Variants in SH2D4A observed in about 807,000 individuals in gnomAD.
SH2D4A encodes SH2 domain containing 4A.
SH2D4A carries 70 observed loss-of-function variants against 64.7 expected under a neutral mutation model. That is an observed-to-expected ratio of 1.08 (90% CI 0.89 to 1.32). The LOEUF (loss-of-function observed/expected upper bound fraction) is 1.32. SH2D4A is among the 40% of genes most tolerant of loss of function. The pLI is 0.00. For missense variants in SH2D4A, 706 were observed against 540.1 expected (o/e 1.31, Z -3.04); for synonymous variants, 268 against 200.7 (o/e 1.34, Z -2.83).
At chr8:19,367,111 A>G (rs2053010533) in intron 7 of SH2D4A, among the ~76,000 whole-genome samples, 2 of 151,688 alleles carry the variant, frequency 1.3e-5, no homozygotes, top group African/African-American at 4.8e-5. Context: ...TCTGAATAAT[A>G]TTCTATTGTG....
At chr8:19,394,524 C>G (rs201058880) in intron 9 of SH2D4A, 26 bp from the exon 10 acceptor site, 3 of 1,543,354 alleles carry the variant, frequency 1.9e-6, no homozygotes, top group Non-Finnish European at 2.7e-6. Context: ...CTTACACTAT[C>G]TGACCCCGTG....
rs1487099275 is a variant in SH2D4A, at chr8:19,395,349, T to A, written c.*707T>A. ...CAAAAGGATAAAGCATCTGTACATG[T>A]ATTTTTTTATTTTTTATCAGAAGTG... is the stretch of plus-strand genomic sequence containing the variant. On this transcript the variant is annotated 3_prime_UTR_variant, in exon 10 of 10. Transcript: ENST00000265807. 1.3e-5 allele frequency: 2 copies of A among 152,136 alleles called. No individual in the cohort carries two copies. Among genetic ancestry groups the A allele is most frequent in the South Asian group, 4.1e-4 (2 of 4,830 alleles). The allele number at this position is 152,136 out of a possible 1,614,324, so 9.4% of individuals were successfully genotyped here.
At chr8:19,322,612 C>CTTTTT (rs33946166) in intron 2 of SH2D4A, among the ~76,000 whole-genome samples, 1 of 126,796 alleles carries the variant, frequency 7.9e-6, no homozygotes, top group African/African-American at 3.0e-5. Flanking sequence ...GTCTATTATT[C>CTTTTT]TTTTTTTTTT....
At chr8:19,388,069 C>G (rs908285458) in intron 8 of SH2D4A, among the ~76,000 whole-genome samples, 2 of 152,190 alleles carry the variant, frequency 1.3e-5, no homozygotes, top group African/African-American at 4.8e-5. Context: ...AAAAATGCAT[C>G]TTCTTTAAGT....
intron 4 of SH2D4A, among the ~76,000 whole-genome samples, chr8:19,346,365 C>T (rs2052613119): frequency 2.0e-5 from 3 of 152,212 alleles, no homozygotes; most frequent in South Asian, 2.1e-4. Flanking sequence ...CTCATAGGAG[C>T]ATGAATCCTC....
chr8:19,336,857 AC>A (rs568879503), intron 4 of SH2D4A, among the ~76,000 whole-genome samples: 115 of 152,146 alleles, frequency 7.6e-4, no homozygotes, highest in Non-Finnish European at 1.3e-3. Context: ...ACCAAGTGAG[AC>A]CCTAAGTCTT....
intron 4 of SH2D4A, among the ~76,000 whole-genome samples, chr8:19,347,606 A>G (rs1455717978): frequency 6.6e-6 from 1 of 152,190 alleles, no homozygotes; most frequent in Admixed American, 6.5e-5. Flanking sequence ...TTGCCCCTGA[A>G]AGGGACCTTG....
intron 4 of SH2D4A, among the ~76,000 whole-genome samples, chr8:19,349,064 C>A (rs36102640): frequency 0.072 from 10,988 of 152,176 alleles, 436 homozygotes; most frequent in Middle Eastern, 0.14. Context: ...GGGGAATAAT[C>A]CTATTCCAAG....
At chr8:19,388,233 T>C (rs1029915988) in intron 8 of SH2D4A, among the ~76,000 whole-genome samples, 1 of 152,228 alleles carries the variant, frequency 6.6e-6, no homozygotes, top group Admixed American at 6.5e-5. Flanking sequence ...GGAAGTGTCA[T>C]TTGCTAATCC....
At chr8:19,365,717 C>CT (rs2052982116) in intron 7 of SH2D4A, among the ~76,000 whole-genome samples, 1 of 152,134 alleles carries the variant, frequency 6.6e-6, no homozygotes, top group Non-Finnish European at 1.5e-5. Context: ...GCATGAAGTG[C>CT]TTTTTGTGAG....
At chr8:19,337,720 G>A (rs921786660) in intron 4 of SH2D4A, among the ~76,000 whole-genome samples, 6 of 152,138 alleles carry the variant, frequency 3.9e-5, no homozygotes, top group Non-Finnish European at 7.4e-5. Flanking sequence ...GAGAGCTTGC[G>A]CAGGGAAATT....
chr8:19,367,454 G>A (rs2053016042), intron 7 of SH2D4A, among the ~76,000 whole-genome samples: 1 of 152,138 alleles, frequency 6.6e-6, no homozygotes, highest in South Asian at 2.1e-4. Context: ...AACTGGGCAA[G>A]GTGATATTGT....
chr8:19,319,343 G>A lies in SH2D4A; in HGVS notation c.-204-1G>A, dbSNP rs1563181597. On this transcript the variant is annotated splice_acceptor_variant, in intron 1 of 9. Coordinates refer to ENST00000265807, the MANE Select transcript of SH2D4A (RefSeq NM_022071.4). LOFTEE classifies it low-confidence loss of function (5UTR_SPLICE). ...TGAATGTGGGCTCTTTCTCTCTGCA[G>A]GTTCAGTGAACAGCATTTTGGACAG... 3 of 1,221,732 alleles carry A rather than the reference G, an allele frequency of 2.5e-6. No individual in the cohort carries two copies. Among genetic ancestry groups the A allele is most frequent in the Non-Finnish European group, 3.1e-6 (3 of 980,814 alleles). The allele number at this position is 1,221,732 out of a possible 1,614,324, so 75.7% of individuals were successfully genotyped here.
rs35550040 is a variant in SH2D4A at position 19,314,029 on chromosome 8, GGGTGTCCGGTGTCC to G, written c.-205+227_-205+240del. 9.8e-4 allele frequency: 1,115 copies of G among 1,138,442 alleles called. 3 individuals carry two copies. The East Asian group carries it at 0.012, about 12-fold the overall frequency. 70.5% of individuals were successfully genotyped at this position (1,138,442 alleles called of 1,614,324 possible). ...GTTGGGCGGCGAGAGCGGCCGCGGC[GGGTGTCCGGTGTCC>G]GGTGTCCGGTGTCCGGTGTCTGGAG... is the stretch of plus-strand genomic sequence containing the variant. On this transcript the variant is annotated intron_variant, in intron 1 of 9. Transcript: ENST00000265807.
At chr8:19,324,918 C>T (rs1025255986) in intron 2 of SH2D4A, among the ~76,000 whole-genome samples, 5 of 152,110 alleles carry the variant, frequency 3.3e-5, no homozygotes, top group African/African-American at 1.2e-4. Context: ...CTCTTATAAC[C>T]TTTAAACGTG....
intron 2 of SH2D4A, among the ~76,000 whole-genome samples, chr8:19,328,010 AG>A (rs1327073977): frequency 6.6e-6 from 1 of 152,202 alleles, no homozygotes; most frequent in Non-Finnish European, 1.5e-5. Flanking sequence ...GCAACATGGC[AG>A]GACATTCTCC....
chr8:19,372,999 A>G lies in SH2D4A; in HGVS notation c.918-531A>G, dbSNP rs577198378. Among the ~76,000 whole-genome samples the G allele has an allele frequency of 2.0e-5, 3 of 152,144 alleles. No individual in the cohort carries two copies. The South Asian group carries it at 6.2e-4, about 32-fold the overall frequency. On this transcript the variant is annotated intron_variant, in intron 7 of 9. Coordinates refer to ENST00000265807, the MANE Select transcript of SH2D4A (RefSeq NM_022071.4). ...CATTTGATTTCTATTGTTTGCAAAT[A>G]CCTGCTTTCCAGGAAAATGTGCTGG...
At chr8:19,358,857 G>A (rs2052834922) in intron 5 of SH2D4A, among the ~76,000 whole-genome samples, 1 of 152,130 alleles carries the variant, frequency 6.6e-6, no homozygotes, top group Admixed American at 6.5e-5. Flanking sequence ...GGTACTGTTA[G>A]CTGAACACAT....
Position 19,373,529 on chromosome 8 carries a change from G to T in SH2D4A, c.918-1G>T. 2 of 1,574,732 alleles carry T rather than the reference G, an allele frequency of 1.3e-6. No homozygotes were observed. The highest frequency in any genetic ancestry group is 4.5e-5 in the East Asian group (2 of 44,532). On this transcript the variant is annotated splice_acceptor_variant, in intron 7 of 9. Transcript: ENST00000265807. LOFTEE classifies it high-confidence loss of function. Reference sequence around the variant, plus strand: ...ACTTGAAAAACTTTTATAAATAACAGAAATCAGGGAGTGGTGAGGACACTG... The same window carrying T: ...ACTTGAAAAACTTTTATAAATAACATAAATCAGGGAGTGGTGAGGACACTG...
Sources: allele counts gnomAD v4.1 joint callset (sites outside exome capture counted in the v4.1 genomes callset), GRCh38; gene constraint gnomAD v4.1.1; transcripts MANE v1.5; gene names NCBI Gene and HGNC (gene_info 2026-07-23, HGNC 2026-07-21).